Variants in PAX5 observed in about 807,000 individuals in gnomAD.
PAX5 encodes paired box 5, also known as paired box protein Pax-5.
In PAX5, 9 loss-of-function variants were observed where a neutral mutation model predicts 43.7. That is an observed-to-expected ratio of 0.21 (90% CI 0.12 to 0.36). The LOEUF is 0.36. Among genes scored for constraint, PAX5 ranks in the 10% least tolerant of loss-of-function variants. PAX5 has a pLI of 1.00. For missense variants in PAX5, 383 were observed against 532.7 expected, an observed-to-expected ratio of 0.72 and a Z score of 2.77; for synonymous variants, 228 against 214.3, an observed-to-expected ratio of 1.06 and a Z score of -0.56.
chr9:36,973,135 A>AAAGAAAAGAAAAGG (rs1564026797), intron 5 of PAX5, among the ~76,000 whole-genome samples: 6 of 74,722 alleles, frequency 8.0e-5, no homozygotes, highest in African/African-American at 3.8e-4. Context: ...GAAAGGAAAG[A>AAAGAAAAGAAAAGG]AAAGGAAAGG....
intron 6 of PAX5, among the ~76,000 whole-genome samples, chr9:36,952,141 A>C (rs751739572): frequency 2.1e-4 from 32 of 151,518 alleles, no homozygotes; most frequent in Non-Finnish European, 1.5e-4. Context: ...ATCACTTCTT[A>C]AATCCCATTC....
chr9:36,962,561 C>T (rs1047271680), intron 6 of PAX5, among the ~76,000 whole-genome samples: 7 of 152,232 alleles, frequency 4.6e-5, no homozygotes, highest in Admixed American at 2.0e-4. Flanking sequence ...TGAGGAGGAT[C>T]GCTGTCGTCA....
intron 1 of PAX5, among the ~76,000 whole-genome samples, chr9:37,030,857 T>C (rs544437408): frequency 6.6e-6 from 1 of 152,338 alleles, no homozygotes; most frequent in African/African-American, 2.4e-5. Flanking sequence ...CCAGCCCATT[T>C]CCCTGTTCTT....
At chr9:36,938,639 T>C (rs965619112) in intron 6 of PAX5, among the ~76,000 whole-genome samples, 5 of 152,214 alleles carry the variant, frequency 3.3e-5, no homozygotes, top group Admixed American at 6.5e-5. Flanking sequence ...GAATATTTCA[T>C]TTTTATTTCC....
At chr9:36,859,952 G>A (rs146451126) in intron 8 of PAX5, among the ~76,000 whole-genome samples, 1,521 of 151,448 alleles carry the variant, frequency 0.01, 26 homozygotes, top group African/African-American at 0.035. Context: ...GGAGAATGGT[G>A]TGAACCCGGG....
intron 8 of PAX5, among the ~76,000 whole-genome samples, chr9:36,864,986 C>A (rs1319505896): frequency 6.6e-6 from 1 of 152,226 alleles, no homozygotes; most frequent in African/African-American, 2.4e-5. Context: ...CAGAGAGAGG[C>A]ACCGCGGCCT....
chr9:36,999,102 T>C (rs1837634860), intron 5 of PAX5, among the ~76,000 whole-genome samples: 1 of 152,168 alleles, frequency 6.6e-6, no homozygotes, highest in African/African-American at 2.4e-5. Context: ...AGCTCAAAAC[T>C]ATCTCCCTAA....
intron 5 of PAX5, among the ~76,000 whole-genome samples, chr9:36,972,820 G>A (rs1225764419): frequency 6.6e-6 from 1 of 152,152 alleles, no homozygotes; most frequent in Non-Finnish European, 1.5e-5. Context: ...TTGAGGTCAG[G>A]AGTTCGAGAC....
chr9:37,007,378 C>T (rs1287382126), intron 3 of PAX5: 1 of 152,140 alleles, frequency 6.6e-6, no homozygotes, highest in East Asian at 1.9e-4. Flanking sequence ...ATGGAAAAAC[C>T]CCGTACATAA....
chr9:36,845,333 C>T (rs1822463187), intron 9 of PAX5, among the ~76,000 whole-genome samples: 1 of 152,244 alleles, frequency 6.6e-6, no homozygotes, highest in African/African-American at 2.4e-5. Context: ...AGGGAGCCCA[C>T]AGCCAGCCCA....
chr9:36,919,394 G>A (rs967053450), intron 7 of PAX5, among the ~76,000 whole-genome samples: 1 of 152,188 alleles, frequency 6.6e-6, no homozygotes, highest in Non-Finnish European at 1.5e-5. Flanking sequence ...CGTGGCCTGT[G>A]GATCAAGGAA....
intron 7 of PAX5, among the ~76,000 whole-genome samples, chr9:36,908,772 G>A (rs113799444): frequency 3.3e-5 from 5 of 152,266 alleles, no homozygotes; most frequent in South Asian, 2.1e-4. Context: ...TGGAAGGGTC[G>A]GCTCCCAAGC....
intron 6 of PAX5, among the ~76,000 whole-genome samples, chr9:36,933,522 G>A (rs549932198): frequency 6.6e-6 from 1 of 152,188 alleles, no homozygotes; most frequent in Non-Finnish European, 1.5e-5. Context: ...AGAGAGGGGA[G>A]CCCTGCTGCC....
At chr9:36,878,634 G>C (rs1407644106) in intron 8 of PAX5, among the ~76,000 whole-genome samples, 2 of 152,226 alleles carry the variant, frequency 1.3e-5, no homozygotes, top group Non-Finnish European at 2.9e-5. Flanking sequence ...AGAAAGGCAA[G>C]TTGAGGCCAA....
chr9:37,033,203 G>A (rs576516264), intron 1 of PAX5, among the ~76,000 whole-genome samples: 53 of 152,234 alleles, frequency 3.5e-4, no homozygotes, highest in Non-Finnish European at 6.9e-4. Flanking sequence ...CCAAGAGGCT[G>A]CATGCCCTGA....
At chr9:36,973,080 G>T (rs570854847) in intron 5 of PAX5, among the ~76,000 whole-genome samples, 2 of 43,030 alleles carry the variant, frequency 4.6e-5, no homozygotes, top group African/African-American at 1.9e-4. Flanking sequence ...GAACGGAACG[G>T]AACGGAAAGG....
intron 8 of PAX5, among the ~76,000 whole-genome samples, chr9:36,871,267 G>A (rs765477592): frequency 1.3e-5 from 2 of 152,198 alleles, no homozygotes; most frequent in East Asian, 1.9e-4. Context: ...AGTCCTCGGC[G>A]TTTATCTCCT....
chr9:36,881,967 G>T (rs780301852), intron 8 of PAX5, 37 bp downstream of exon 8: 1 of 1,505,310 alleles, frequency 6.6e-7, no homozygotes, highest in Non-Finnish European at 9.1e-7. Context: ...AACCCCGTCC[G>T]CTGCCTGCTG....
intron 7 of PAX5, among the ~76,000 whole-genome samples, chr9:36,902,631 G>T (rs1009078419): frequency 4.6e-5 from 7 of 152,226 alleles, no homozygotes; most frequent in African/African-American, 1.7e-4. Context: ...AGTGGGGAGT[G>T]TTGGGGGCAT....
Sources: allele counts gnomAD v4.1 joint callset (sites outside exome capture counted in the v4.1 genomes callset), GRCh38; gene constraint gnomAD v4.1.1; transcripts MANE v1.5; gene names NCBI Gene and HGNC (gene_info 2026-07-23, HGNC 2026-07-21).